Variants in NCKAP5 observed in about 807,000 individuals in gnomAD.
NCKAP5 encodes the protein nck-associated protein 5.
In NCKAP5, 92 loss-of-function variants were observed where a neutral mutation model predicts 167.0. The observed-to-expected ratio is 0.55, with a 90% confidence interval of 0.47 to 0.66. The LOEUF (loss-of-function observed/expected upper bound fraction) is 0.66. Among genes scored for constraint, NCKAP5 ranks in the 30% least tolerant of loss-of-function variants. The probability of loss-of-function intolerance (pLI) is 0.00; values close to 1 mark genes in which losing one functional copy is unlikely to be tolerated. For missense variants in NCKAP5, 2,378 were observed against 2,315.0 expected, an observed-to-expected ratio of 1.03 and a Z score of -0.56; for synonymous variants, 891 against 877.4, an observed-to-expected ratio of 1.02 and a Z score of -0.27.
At chr2:133,227,369 G>GTGGGGAA (rs1368663628) in intron 4 of NCKAP5, among the ~76,000 whole-genome samples, 1 of 152,160 alleles carries the variant, frequency 6.6e-6, no homozygotes, top group Non-Finnish European at 1.5e-5. Context: ...TGCTACCTCA[G>GTGGGGAA]TGCTTTATTA....
chr2:133,495,789 T>C (rs1275549035), intron 3 of NCKAP5, among the ~76,000 whole-genome samples: 4 of 152,214 alleles, frequency 2.6e-5, no homozygotes, highest in Non-Finnish European at 5.9e-5. Context: ...AATTACCAGC[T>C]GAAAATTACA....
the NCKAP5 span, among the ~76,000 whole-genome samples, chr2:133,605,610 G>T: frequency 6.6e-6 from 1 of 152,186 alleles, no homozygotes; most frequent in African/African-American, 2.4e-5. Context: ...AATGGTTGCA[G>T]GACATCACTC....
intron 11 of NCKAP5, among the ~76,000 whole-genome samples, chr2:132,823,949 A>G (rs1686946166): frequency 6.6e-6 from 1 of 152,214 alleles, no homozygotes; most frequent in South Asian, 2.1e-4. Flanking sequence ...GAGGGACATT[A>G]TATAATGATA....
chr2:133,067,401 A>G (rs930845193), intron 6 of NCKAP5, among the ~76,000 whole-genome samples: 1 of 152,248 alleles, frequency 6.6e-6, no homozygotes, highest in Non-Finnish European at 1.5e-5. Flanking sequence ...TAAAATTAGG[A>G]AAGGGTAAAA....
chr2:132,989,402 A>G (rs2077388585), intron 7 of NCKAP5, among the ~76,000 whole-genome samples: 1 of 152,180 alleles, frequency 6.6e-6, no homozygotes, highest in Admixed American at 6.5e-5. Flanking sequence ...AAATCCTAAA[A>G]CACCTAGAGA....
chr2:132,766,308 G>GA (rs1175284364), intron 16 of NCKAP5, among the ~76,000 whole-genome samples: 3 of 122,562 alleles, frequency 2.4e-5, no homozygotes, highest in Non-Finnish European at 3.4e-5. Context: ...AAAAAAAAGA[G>GA]AAAATCATAA....
intron 5 of NCKAP5, among the ~76,000 whole-genome samples, chr2:133,210,290 A>G (rs116389341): frequency 0.027 from 4,145 of 151,724 alleles, 185 homozygotes; most frequent in African/African-American, 0.095. Context: ...TTATTGCATA[A>G]AACCAAATTT....
intron 6 of NCKAP5, among the ~76,000 whole-genome samples, chr2:133,071,545 C>G (rs1324141260): frequency 6.6e-6 from 1 of 152,222 alleles, no homozygotes; most frequent in African/African-American, 2.4e-5. Context: ...TTATATTATT[C>G]TTGCTAGTCA....
intron 6 of NCKAP5, among the ~76,000 whole-genome samples, chr2:133,041,162 T>C (rs1200286291): frequency 1.3e-5 from 2 of 152,164 alleles, no homozygotes; most frequent in Non-Finnish European, 2.9e-5. Context: ...ATTTTTGAAC[T>C]GGAGATGCTC....
intron 4 of NCKAP5, among the ~76,000 whole-genome samples, chr2:133,289,536 G>A (rs965303332): frequency 6.6e-6 from 1 of 152,024 alleles, no homozygotes; most frequent in African/African-American, 2.4e-5. Context: ...GAGGTCAGGG[G>A]TTTGAAACCC....
At chr2:132,703,559 G>C (rs1254568065) in intron 19 of NCKAP5, among the ~76,000 whole-genome samples, 3 of 152,116 alleles carry the variant, frequency 2.0e-5, no homozygotes, top group Non-Finnish European at 2.9e-5. Context: ...AATAAACAAT[G>C]AGTCAGATTT....
chr2:132,902,669 AC>A (rs1250310830), intron 8 of NCKAP5, among the ~76,000 whole-genome samples: 2 of 152,222 alleles, frequency 1.3e-5, no homozygotes, highest in Admixed American at 6.5e-5. Flanking sequence ...AAAGTCAGCA[AC>A]TTAACAAAAG....
intron 11 of NCKAP5, among the ~76,000 whole-genome samples, chr2:132,821,134 A>AAAAGAATTC (rs1453587308): frequency 6.6e-6 from 1 of 152,192 alleles, no homozygotes; most frequent in East Asian, 1.9e-4. Context: ...CGGAAAAACC[A>AAAAGAATTC]AAAGAATTCA....
chr2:133,430,767 A>C (rs191116981), intron 3 of NCKAP5, among the ~76,000 whole-genome samples: 6 of 147,206 alleles, frequency 4.1e-5, no homozygotes, highest in African/African-American at 1.2e-4. Context: ...GTGTATGTGC[A>C]TGGTTGTTGA....
intron 3 of NCKAP5, among the ~76,000 whole-genome samples, chr2:133,396,882 G>A (rs561794354): frequency 7.9e-5 from 12 of 152,158 alleles, no homozygotes; most frequent in South Asian, 6.2e-4. Context: ...CATGCTTGTC[G>A]TCAGACAGAC....
At chr2:133,607,792 C>T in the NCKAP5 span, among the ~76,000 whole-genome samples, 1 of 152,170 alleles carries the variant, frequency 6.6e-6, no homozygotes, top group Non-Finnish European at 1.5e-5. Flanking sequence ...ATGATTCAAA[C>T]CCTGCCATCA....
chr2:133,615,110 G>T, the NCKAP5 span, among the ~76,000 whole-genome samples: 2 of 151,510 alleles, frequency 1.3e-5, no homozygotes, highest in African/African-American at 4.8e-5. Flanking sequence ...GAGAGATTTT[G>T]TCACCACCAG....
At position 132,839,935 on chromosome 2, in the gene NCKAP5, GAA is replaced by G. The variant is rs139786488; in HGVS notation, c.807+20555_807+20556del. ...ATTACTAAGAAAATCATAAGGAAAA[GAA>G]AATATATTTACAGTAGCGTACTGTA... On this transcript the variant is annotated intron_variant, in intron 11 of 19. Transcript: ENST00000409261. 7.3e-3 allele frequency among the ~76,000 whole-genome samples: 1,111 copies of G among 152,082 alleles called. 16 individuals are homozygous for G. The highest frequency in any genetic ancestry group is 0.025 in the African/African-American group (1,053 of 41,492).
At chr2:133,586,509 A>G in the NCKAP5 span, among the ~76,000 whole-genome samples, 3 of 152,106 alleles carry the variant, frequency 2.0e-5, no homozygotes, top group Non-Finnish European at 4.4e-5. Context: ...ACTTCAGGAA[A>G]AGAGGTAACA....
Sources: gnomAD v4.1 joint callset for allele counts (sites outside exome capture counted in the v4.1 genomes callset) on GRCh38, gnomAD v4.1.1 for gene constraint, MANE v1.5 for transcripts, NCBI Gene and HGNC (gene_info 2026-07-23, HGNC 2026-07-21) for gene names.